Variants in COL21A1 observed in about 807,000 individuals in gnomAD.
COL21A1 encodes the protein collagen type XXI alpha 1 chain, also known as collagen alpha-1(XXI) chain.
COL21A1 carries 149 observed loss-of-function variants against 137.9 expected under a neutral mutation model. That is an observed-to-expected ratio of 1.08 (90% CI 0.95 to 1.24). COL21A1 has a LOEUF of 1.24. Ranked by LOEUF, COL21A1 falls within the 50% of genes most tolerant of loss-of-function variation. The probability of loss-of-function intolerance (pLI) is 0.00; values close to 1 mark genes in which losing one functional copy is unlikely to be tolerated. For synonymous variants in COL21A1, 456 were observed against 391.5 expected, an observed-to-expected ratio of 1.16 and a Z score of -1.95; for missense variants, 1,167 against 1,158.4, an observed-to-expected ratio of 1.01 and a Z score of -0.11.
At chr6:56,075,315 C>T (rs568968125) in intron 19 of COL21A1, among the ~76,000 whole-genome samples, 164 bp downstream of exon 19, 32 of 151,420 alleles carry the variant, frequency 2.1e-4, no homozygotes, top group African/African-American at 7.5e-4. Context: ...TAGAAAAATG[C>T]ACATAGACAT....
At chr6:56,244,815 C>T (rs1180056812) in intron 1 of COL21A1, among the ~76,000 whole-genome samples, 3 of 152,130 alleles carry the variant, frequency 2.0e-5, no homozygotes, top group South Asian at 2.1e-4. Context: ...TTTCAAAGTA[C>T]AGAATCATTT....
intron 1 of COL21A1, among the ~76,000 whole-genome samples, chr6:56,375,154 A>T (rs1382617007): frequency 1.3e-5 from 2 of 152,182 alleles, no homozygotes; most frequent in Non-Finnish European, 2.9e-5. Context: ...AATGTTAGAG[A>T]CCGAGAAAGG....
At chr6:56,117,229 T>C (rs914423686) in intron 16 of COL21A1, among the ~76,000 whole-genome samples, 8 of 151,660 alleles carry the variant, frequency 5.3e-5, no homozygotes, top group Admixed American at 2.6e-4. Flanking sequence ...AAGACACACA[T>C]AGACTAAAAA....
chr6:56,193,763 T>G (rs1167639548), intron 1 of COL21A1, among the ~76,000 whole-genome samples: 6 of 21,506 alleles, frequency 2.8e-4, no homozygotes, highest in African/African-American at 8.7e-4. Flanking sequence ...TTTTTTTGTT[T>G]TTTTTTTTTT....
Position 56,180,014 on chromosome 6 carries a change from G to A in COL21A1, c.204C>T (p.Asp68=), listed in dbSNP as rs1026337478. 19 of 1,613,566 alleles carry A rather than the reference G, an allele frequency of 1.2e-5. No individual in the cohort carries two copies. Among genetic ancestry groups the A allele is most frequent in the Admixed American group, 3.3e-5 (2 of 59,942 alleles). The change falls in exon 3 of 30, where the codon GAC becomes GAT. Residue 68 remains aspartate, a synonymous_variant. Transcript: ENST00000244728. ...CAACTTGAATAAACTTCGGCCCTAT[G>A]TCAAAGTTTTTTGTGATATTGACAA... ...KWLVNITKNF[D]IGPKFIQVGV...
chr6:56,072,597 C>T (rs1766854655), intron 20 of COL21A1, among the ~76,000 whole-genome samples: 1 of 151,382 alleles, frequency 6.6e-6, no homozygotes. Context: ...TGGGTTAAAT[C>T]CAGCCCAATG....
intron 1 of COL21A1, among the ~76,000 whole-genome samples, chr6:56,222,631 G>A (rs1412399810): frequency 6.6e-6 from 1 of 152,114 alleles, no homozygotes; most frequent in Non-Finnish European, 1.5e-5. Context: ...TTGAGTAGGA[G>A]AGTATCAAAA....
At chr6:56,285,477 T>C (rs964718317) in intron 1 of COL21A1, among the ~76,000 whole-genome samples, 2 of 152,196 alleles carry the variant, frequency 1.3e-5, no homozygotes, top group Admixed American at 6.5e-5. Context: ...ACAACAAAAA[T>C]TGGTTTTCTT....
chr6:56,299,471 A>T (rs1416356087), intron 1 of COL21A1, among the ~76,000 whole-genome samples: 1 of 152,148 alleles, frequency 6.6e-6, no homozygotes, highest in East Asian at 1.9e-4. Context: ...ATTTGATAAC[A>T]TTATGTAATT....
intron 9 of COL21A1, among the ~76,000 whole-genome samples, chr6:56,162,940 A>G (rs1265283186): frequency 6.6e-6 from 1 of 152,220 alleles, no homozygotes; most frequent in Non-Finnish European, 1.5e-5. Context: ...ATAATTCACA[A>G]TAATACACTG....
At chr6:56,300,539 C>T (rs1167738767) in intron 1 of COL21A1, among the ~76,000 whole-genome samples, 1 of 151,996 alleles carries the variant, frequency 6.6e-6, no homozygotes, top group Admixed American at 6.6e-5. Context: ...CATACATTAA[C>T]TTCTTTCATC....
At chr6:56,231,105 C>A (rs781424001) in intron 1 of COL21A1, 1 of 151,822 alleles carries the variant, frequency 6.6e-6, no homozygotes, top group African/African-American at 2.4e-5. Context: ...GACTCTACTG[C>A]CATTTACTAA....
At chr6:56,090,264 C>CA (rs1210617131) in intron 17 of COL21A1, among the ~76,000 whole-genome samples, 2 of 152,026 alleles carry the variant, frequency 1.3e-5, no homozygotes, top group South Asian at 4.2e-4. Flanking sequence ...TAGAACAACA[C>CA]AAAAAAATGA....
At position 56,119,977 on chromosome 6, in the gene COL21A1, A is replaced by G. The variant is rs545385050; in HGVS notation, c.1758+4085T>C. ...CTACTACAGAAAAACATTGGGGGAA[A>G]TCTCCAGGACATTGATCTCAGAAAA... On this transcript the variant is annotated intron_variant, in intron 16 of 29. Coordinates refer to ENST00000244728, the MANE Select transcript of COL21A1 (RefSeq NM_030820.4). Among the ~76,000 whole-genome samples, 24 of 152,330 alleles carry G rather than the reference A, an allele frequency of 1.6e-4. No individual in the cohort carries two copies. The South Asian group carries it at 4.8e-3, about 30-fold the overall frequency.
At chr6:56,136,517 A>G (rs1057146874) in intron 12 of COL21A1, among the ~76,000 whole-genome samples, 1 of 152,118 alleles carries the variant, frequency 6.6e-6, no homozygotes, top group African/African-American at 2.4e-5. Flanking sequence ...AGATAATTCC[A>G]CTTCCCACAG....
At position 56,223,694 on chromosome 6, in the gene COL21A1, T is replaced by C. The variant is rs74334188; in HGVS notation, c.-39+23693A>G. On this transcript the variant is annotated intron_variant, in intron 1 of 29. Transcript: ENST00000244728. The stretch of plus-strand genomic sequence containing the variant: ...GCAATGTAGAATGATATTTGCATAA[T>C]GCATTCATGGTAAACTACCTTTAAA... Among the ~76,000 whole-genome samples, 613 of 152,232 alleles carry C rather than the reference T, an allele frequency of 4.0e-3. 3 individuals carry two copies. Among genetic ancestry groups the C allele is most frequent in the African/African-American group, 0.013 (559 of 41,554 alleles).
At chr6:56,368,214 A>G (rs1766145674) in intron 1 of COL21A1, among the ~76,000 whole-genome samples, 1 of 152,236 alleles carries the variant, frequency 6.6e-6, no homozygotes, top group African/African-American at 2.4e-5. Flanking sequence ...TTTTTATTTC[A>G]TAAATAATTC....
intron 17 of COL21A1, among the ~76,000 whole-genome samples, chr6:56,093,098 A>G (rs1317367550): frequency 6.6e-6 from 1 of 152,042 alleles, no homozygotes; most frequent in East Asian, 1.9e-4. Flanking sequence ...AGCCAAGATA[A>G]TCTCCCTATG....
intron 1 of COL21A1, among the ~76,000 whole-genome samples, chr6:56,284,969 G>C (rs914500031): frequency 6.6e-6 from 1 of 152,160 alleles, no homozygotes; most frequent in African/African-American, 2.4e-5. Flanking sequence ...TAAGCCCCCA[G>C]GTGATTCAAA....
Sources: gnomAD v4.1 joint callset for allele counts (sites outside exome capture counted in the v4.1 genomes callset) on GRCh38, gnomAD v4.1.1 for gene constraint, MANE v1.5 for transcripts, NCBI Gene and HGNC (gene_info 2026-07-23, HGNC 2026-07-21) for gene names.